Variants in CLSTN2 observed in about 807,000 individuals in gnomAD.
CLSTN2 encodes calsyntenin-2.
A neutral mutation model predicts 101.2 loss-of-function variants in CLSTN2; 48 were observed. The ratio of observed to expected loss-of-function variants is 0.47; its 90% CI spans 0.38 to 0.60. The LOEUF (loss-of-function observed/expected upper bound fraction) is 0.60, where lower values mean the gene tolerates loss of function less well. Ranked by LOEUF, CLSTN2 falls within the 20% of genes least tolerant of loss-of-function variation. The probability of loss-of-function intolerance (pLI) is 0.00; values close to 1 mark genes in which losing one functional copy is unlikely to be tolerated. For missense variants in CLSTN2, 1,160 were observed against 1,238.2 expected, an observed-to-expected ratio of 0.94 and a Z score of 0.95; for synonymous variants, 481 against 463.6, an observed-to-expected ratio of 1.04 and a Z score of -0.48.
chr3:140,172,129 G>C (rs115955542), intron 1 of CLSTN2, among the ~76,000 whole-genome samples: 174 of 150,104 alleles, frequency 1.2e-3, no homozygotes, highest in African/African-American at 4.0e-3. Context: ...TGTGAAGTTT[G>C]GCATCGGAAC....
At chr3:140,142,906 T>A (rs2009724683) in intron 1 of CLSTN2, among the ~76,000 whole-genome samples, 1 of 152,198 alleles carries the variant, frequency 6.6e-6, no homozygotes, top group Admixed American at 6.5e-5. Flanking sequence ...TGCACTGGGA[T>A]TTTGTAGACA....
At chr3:140,000,314 T>C (rs1321021168) in intron 1 of CLSTN2, among the ~76,000 whole-genome samples, 3 of 152,230 alleles carry the variant, frequency 2.0e-5, no homozygotes, top group Non-Finnish European at 4.4e-5. Flanking sequence ...GGAAGATATT[T>C]AGTTAGCACT....
intron 8 of CLSTN2, among the ~76,000 whole-genome samples, chr3:140,492,395 A>C (rs1425124313): frequency 6.6e-6 from 1 of 152,276 alleles, no homozygotes; most frequent in African/African-American, 2.4e-5. Context: ...ATGCTAATTG[A>C]AAGAACTAAA....
intron 8 of CLSTN2, among the ~76,000 whole-genome samples, chr3:140,499,416 T>G (rs1431500570): frequency 6.6e-6 from 1 of 152,236 alleles, no homozygotes; most frequent in Non-Finnish European, 1.5e-5. Flanking sequence ...GTAATTAGTT[T>G]GATTGGACCT....
chr3:139,946,646 G>C (rs571220455), intron 1 of CLSTN2, among the ~76,000 whole-genome samples: 1 of 152,296 alleles, frequency 6.6e-6, no homozygotes, highest in East Asian at 1.9e-4. Context: ...AGGGGCAGAG[G>C]CTGCTGCTCC....
chr3:140,497,909 C>T (rs1254211618), intron 8 of CLSTN2, among the ~76,000 whole-genome samples: 1 of 152,160 alleles, frequency 6.6e-6, no homozygotes, highest in East Asian at 1.9e-4. Flanking sequence ...CAATCACTCA[C>T]AGCTTCCCTT....
chr3:140,421,066 G>T, intron 4 of CLSTN2, 59 bp from the exon 5 acceptor site: 1 of 1,552,324 alleles, frequency 6.4e-7, no homozygotes, highest in East Asian at 2.3e-5. Context: ...AGAGATTTGG[G>T]AGAAGTACAA....
intron 2 of CLSTN2, among the ~76,000 whole-genome samples, chr3:140,189,225 A>T (rs552641513): frequency 1.3e-5 from 2 of 152,194 alleles, no homozygotes; most frequent in Non-Finnish European, 2.9e-5. Flanking sequence ...TTTATGTACA[A>T]GTTTTTGTGT....
intron 1 of CLSTN2, among the ~76,000 whole-genome samples, chr3:140,038,581 A>T (rs146242279): frequency 0.01 from 1,553 of 152,156 alleles, 27 homozygotes; most frequent in African/African-American, 0.034. Context: ...CTTTTGTTGC[A>T]ATTGCTTTTG....
intron 8 of CLSTN2, among the ~76,000 whole-genome samples, chr3:140,490,336 T>G (rs999810382): frequency 6.6e-6 from 1 of 150,772 alleles, no homozygotes; most frequent in African/African-American, 2.4e-5. Context: ...GGGCTGTACA[T>G]GAAGGCCCCC....
chr3:139,991,182 C>A (rs1040494486), intron 1 of CLSTN2, among the ~76,000 whole-genome samples: 1 of 152,022 alleles, frequency 6.6e-6, no homozygotes, highest in Admixed American at 6.6e-5. Flanking sequence ...TCTTTTGGGG[C>A]AATATATTGC....
chr3:140,505,868 C>A (rs895439813), intron 8 of CLSTN2: 8 of 152,170 alleles, frequency 5.3e-5, no homozygotes, highest in African/African-American at 1.9e-4. Context: ...TGCATCTCAG[C>A]AACCTATTTG....
chr3:139,961,464 G>A lies in CLSTN2; in HGVS notation c.109+25981G>A, dbSNP rs1407418230. Reference sequence around the variant, plus strand: ...CTGTCTTCAGGAAGCTCACACTTAAGGTGTAGATAGAAGCAGAGTTTGAAC... The same window carrying A: ...CTGTCTTCAGGAAGCTCACACTTAAAGTGTAGATAGAAGCAGAGTTTGAAC... On this transcript the variant is annotated intron_variant, in intron 1 of 16. Coordinates refer to ENST00000458420, the MANE Select transcript of CLSTN2 (RefSeq NM_022131.3). 2.0e-5 allele frequency among the ~76,000 whole-genome samples: 3 copies of A among 152,300 alleles called. No individual in the cohort carries two copies. In the South Asian group the frequency reaches 6.2e-4, roughly 32 times the overall value.
rs570968193 is a variant in CLSTN2, at chr3:140,425,509, T to G, written c.787+4235T>G. Among the ~76,000 whole-genome samples, 3 of 152,364 alleles carry G rather than the reference T, an allele frequency of 2.0e-5. No homozygotes were observed. The East Asian group carries it at 5.8e-4, about 29-fold the overall frequency. The stretch of plus-strand genomic sequence containing the variant: ...GTATTATCTACCAAGGCTATGGTTT[T>G]CTTATTCCTGCCTTTTCTCTGTGGG... On this transcript the variant is annotated intron_variant, in intron 5 of 16. Coordinates refer to ENST00000458420, the MANE Select transcript of CLSTN2 (RefSeq NM_022131.3).
At chr3:140,551,660 TTC>T (rs1369899467) in intron 10 of CLSTN2, among the ~76,000 whole-genome samples, 2 of 152,128 alleles carry the variant, frequency 1.3e-5, no homozygotes, top group African/African-American at 4.8e-5. Flanking sequence ...TTAAGTTTTT[TTC>T]TGTCAACTGA....
chr3:140,428,466 C>A (rs184353226), intron 5 of CLSTN2, among the ~76,000 whole-genome samples: 1 of 152,250 alleles, frequency 6.6e-6, no homozygotes, highest in Non-Finnish European at 1.5e-5. Context: ...TGTGGGCTTT[C>A]ACTATTTTTC....
chr3:140,408,337 G>A (rs951355618), intron 4 of CLSTN2, among the ~76,000 whole-genome samples: 1 of 152,102 alleles, frequency 6.6e-6, no homozygotes, highest in African/African-American at 2.4e-5. Context: ...GATCAGCATG[G>A]CTGAGACATT....
intron 2 of CLSTN2, among the ~76,000 whole-genome samples, chr3:140,189,091 G>T (rs2010523720): frequency 2.6e-5 from 4 of 152,214 alleles, no homozygotes; most frequent in Admixed American, 2.6e-4. Context: ...CTAAGTTGTT[G>T]CCTATATGAA....
At chr3:140,497,927 G>A (rs964587207) in intron 8 of CLSTN2, among the ~76,000 whole-genome samples, 6 of 152,128 alleles carry the variant, frequency 3.9e-5, no homozygotes, top group Admixed American at 3.3e-4. Context: ...CTTGGCTGGC[G>A]TTGGGGGTTC....
Sources: gnomAD v4.1 joint callset for allele counts (sites outside exome capture counted in the v4.1 genomes callset) on GRCh38, gnomAD v4.1.1 for gene constraint, MANE v1.5 for transcripts, NCBI Gene and HGNC (gene_info 2026-07-23, HGNC 2026-07-21) for gene names.